The following MED27 variants were observed in gnomAD, a reference collection of about 807,000 sequenced individuals.
The protein encoded by MED27 is mediator of RNA polymerase II transcription subunit 27.
Under a neutral mutation model 38.2 loss-of-function variants are expected in MED27, and 30 were observed. The observed-to-expected ratio is 0.79, with a 90% CI of 0.59 to 1.07. MED27 has a LOEUF of 1.07. Ranked by LOEUF, MED27 falls within the 50% of genes least tolerant of loss-of-function variation. The pLI, the probability that MED27 is intolerant of heterozygous loss-of-function variation, is 0.00. For synonymous variants in MED27, 122 were observed against 153.5 expected (o/e 0.79, Z 1.52); for missense variants, 289 against 397.5 (o/e 0.73, Z 2.32).
intron 2 of MED27, among the ~76,000 whole-genome samples, chr9:132,068,223 T>C (rs924885922): frequency 2.0e-5 from 3 of 151,966 alleles, no homozygotes; most frequent in Non-Finnish European, 4.4e-5. Context: ...ATTCACATCA[T>C]CCTCACTGCT....
chr9:131,892,311 T>G (rs992695869), intron 5 of MED27, among the ~76,000 whole-genome samples: 2 of 152,196 alleles, frequency 1.3e-5, no homozygotes, highest in African/African-American at 4.8e-5. Context: ...AAAATAATAC[T>G]AGTTATCATT....
intron 2 of MED27, among the ~76,000 whole-genome samples, chr9:132,036,177 G>C (rs550078571): frequency 5.9e-5 from 9 of 152,086 alleles, no homozygotes; most frequent in Non-Finnish European, 1.3e-4. Flanking sequence ...TCAGAATGCA[G>C]GTCTTTTGGT....
At chr9:132,066,325 A>G (rs1253260661) in intron 2 of MED27, among the ~76,000 whole-genome samples, 6 of 152,254 alleles carry the variant, frequency 3.9e-5, no homozygotes, top group Non-Finnish European at 7.3e-5. Context: ...AGCAGGGCAC[A>G]GCTGACCTCT....
intron 2 of MED27, among the ~76,000 whole-genome samples, chr9:132,053,146 G>A (rs552697553): frequency 1.7e-4 from 26 of 152,186 alleles, no homozygotes; most frequent in Admixed American, 4.6e-4. Flanking sequence ...CCAGCTACTC[G>A]GGAGGCTGAG....
intron 3 of MED27, among the ~76,000 whole-genome samples, chr9:132,008,863 T>C (rs995372687): frequency 6.6e-6 from 1 of 152,224 alleles, no homozygotes; most frequent in Admixed American, 6.5e-5. Context: ...CTTCACTGCT[T>C]TCCTCCACCG....
intron 3 of MED27, among the ~76,000 whole-genome samples, chr9:131,950,254 T>C (rs952095160): frequency 6.6e-6 from 1 of 152,240 alleles, no homozygotes; most frequent in Admixed American, 6.5e-5. Flanking sequence ...TCTGGTGAAA[T>C]GACGCTTGGA....
At chr9:132,046,147 G>C (rs1367961846) in intron 2 of MED27, among the ~76,000 whole-genome samples, 1 of 152,132 alleles carries the variant, frequency 6.6e-6, no homozygotes, top group African/African-American at 2.4e-5. Flanking sequence ...CAGAACTGAC[G>C]AATCGAGAGA....
At chr9:131,886,881 G>A (rs546841558) in intron 5 of MED27, among the ~76,000 whole-genome samples, 3 of 152,162 alleles carry the variant, frequency 2.0e-5, no homozygotes, top group Admixed American at 1.3e-4. Flanking sequence ...CTTTTGCATC[G>A]TTTAGTTGTA....
chr9:131,864,701 A>G (rs1286271956), intron 6 of MED27, among the ~76,000 whole-genome samples: 1 of 152,278 alleles, frequency 6.6e-6, no homozygotes, highest in African/African-American at 2.4e-5. Context: ...GTGTGTCCAC[A>G]CCTGCAGCTG....
At chr9:132,019,329 G>A (rs1648810821) in intron 2 of MED27, among the ~76,000 whole-genome samples, 2 of 152,234 alleles carry the variant, frequency 1.3e-5, no homozygotes, top group Admixed American at 1.3e-4. Flanking sequence ...GCTTGGCTTG[G>A]CACTGCAACC....
At position 131,997,536 on chromosome 9, in the gene MED27, A is replaced by T. The variant is rs780574473; in HGVS notation, c.479+16801T>A. 2.0e-5 allele frequency among the ~76,000 whole-genome samples: 3 copies of T among 152,206 alleles called. No individual in the cohort carries two copies. The highest frequency in any genetic ancestry group is 4.4e-5 in the Non-Finnish European group (3 of 68,036). On this transcript the variant is annotated intron_variant, in intron 3 of 7. Coordinates refer to ENST00000292035, the MANE Select transcript of MED27 (RefSeq NM_004269.4). This position sits in a 1 kb window ranked among gnomAD's most constrained non-coding sequence, Gnocchi z 4.0. ...TTGACCGAGGCGTTGCCAGCCCTGC[A>T]CTGTAGGCTGCCATCTCCCCCAGCA...
intron 3 of MED27, among the ~76,000 whole-genome samples, chr9:131,965,436 G>A (rs1196731343): frequency 6.6e-6 from 1 of 152,190 alleles, no homozygotes; most frequent in Non-Finnish European, 1.5e-5. Context: ...ATGATTTGGG[G>A]GTACTCAGCA....
In MED27 at chr9:131,917,803, C is replaced by CG. The variant is rs1340532094; in HGVS notation, c.573+21577dup. ...AGGGATCCAAAGGGTGTAGGATAAG[C>CG]GTAAGACAAGTAGTCTGGCCTGAAA... is the stretch of plus-strand genomic sequence containing the variant. On this transcript the variant is annotated intron_variant, in intron 4 of 7. Coordinates refer to ENST00000292035, the MANE Select transcript of MED27 (RefSeq NM_004269.4). This position sits in a 1 kb window ranked among gnomAD's most constrained non-coding sequence, Gnocchi z 4.6. Among the ~76,000 whole-genome samples the CG allele has an allele frequency of 6.6e-6, 1 of 151,912 alleles. No homozygotes were observed. The highest frequency in any genetic ancestry group is 1.5e-5 in the Non-Finnish European group (1 of 67,964).
At chr9:131,981,810 C>G (rs755986712) in intron 3 of MED27, among the ~76,000 whole-genome samples, 3 of 152,236 alleles carry the variant, frequency 2.0e-5, no homozygotes, top group Non-Finnish European at 1.5e-5. Flanking sequence ...AGGCAACGCA[C>G]TCTCTAACAA....
intron 2 of MED27, among the ~76,000 whole-genome samples, chr9:132,050,048 C>T (rs565570518): frequency 1.5e-4 from 23 of 152,084 alleles, no homozygotes; most frequent in Middle Eastern, 3.4e-3. Context: ...ATACTTATTA[C>T]CAACTCAACA....
chr9:131,891,818 T>G (rs1303640168), intron 5 of MED27, among the ~76,000 whole-genome samples: 3 of 151,950 alleles, frequency 2.0e-5, no homozygotes, highest in Non-Finnish European at 4.4e-5. Context: ...CATTCTTCAG[T>G]GCAGAGATAA....
intron 3 of MED27, among the ~76,000 whole-genome samples, chr9:131,962,411 A>G (rs756233536): frequency 1.3e-5 from 2 of 151,838 alleles, no homozygotes; most frequent in African/African-American, 2.4e-5. Context: ...TAATTTTTGT[A>G]TTTTTTTGGT....
intron 6 of MED27, among the ~76,000 whole-genome samples, chr9:131,880,638 T>G (rs1004328702): frequency 2.0e-5 from 3 of 152,246 alleles, no homozygotes; most frequent in African/African-American, 4.8e-5. Flanking sequence ...TGAAACGTGT[T>G]ACACAGACTG....
intron 3 of MED27, among the ~76,000 whole-genome samples, chr9:131,949,112 A>G (rs1346639295): frequency 6.6e-6 from 1 of 152,180 alleles, no homozygotes; most frequent in East Asian, 1.9e-4. Flanking sequence ...CTTACACATG[A>G]CTTAGCATGA....
Sources: gnomAD v4.1 joint callset for allele counts (sites outside exome capture counted in the v4.1 genomes callset) on GRCh38, gnomAD v4.1.1 for gene constraint, Gnocchi (gnomAD v3.1) non-coding constraint, MANE v1.5 for transcripts, NCBI Gene and HGNC (gene_info 2026-07-23, HGNC 2026-07-21) for gene names.